Variants in NASP observed in about 807,000 individuals in gnomAD.
The protein encoded by NASP is NASP histone chaperone.
NASP carries 24 observed loss-of-function variants against 89.5 expected under a neutral mutation model. The ratio of observed to expected loss-of-function variants is 0.27; its 90% CI spans 0.19 to 0.38. The LOEUF (loss-of-function observed/expected upper bound fraction) is 0.38. NASP is among the 10% of genes least tolerant of loss of function. The probability of loss-of-function intolerance (pLI) is 1.00; values close to 1 mark genes in which losing one functional copy is unlikely to be tolerated. For synonymous variants in NASP, 306 were observed against 324.7 expected (o/e 0.94, Z 0.62); for missense variants, 848 against 921.4 (o/e 0.92, Z 1.03).
chr1:45,615,579 C>A, intron 11 of NASP, 108 bp downstream of exon 11: 2 of 1,031,110 alleles, frequency 1.9e-6, no homozygotes, highest in Non-Finnish European at 2.9e-6. Flanking sequence ...AGTTGGTGGG[C>A]TCATCTAATT....
chr1:45,584,524 G>A (rs1215744837), intron 1 of NASP, among the ~76,000 whole-genome samples: 1 of 152,144 alleles, frequency 6.6e-6, no homozygotes, highest in East Asian at 1.9e-4. Flanking sequence ...GGGAGGCGGG[G>A]CCCTGGCGCG....
chr1:45,614,707 T>C (rs1644072945), intron 9 of NASP, among the ~76,000 whole-genome samples: 1 of 151,872 alleles, frequency 6.6e-6, no homozygotes, highest in Non-Finnish European at 1.5e-5. Flanking sequence ...CCCGGTTAAT[T>C]TTTGTATTTT....
At position 45,607,539 on chromosome 1, in the gene NASP, T is replaced by C. The variant is rs1480130367; in HGVS notation, c.628T>C (p.Ser210Pro). The C allele has an allele frequency of 3.7e-6, 6 of 1,613,878 alleles. No individual in the cohort carries two copies. The highest frequency in any genetic ancestry group is 5.1e-6 in the Non-Finnish European group (6 of 1,179,958). ...GACTCTAGATTGGTTAACTGAAACC[T>C]CTGAAGAGGCAAAAGGAGGAGCAGC... ...DLTLDWLTET[S>P]EEAKGGAAPE... Residue 210 changes from serine to proline, a missense_variant, in exon 6 of 15, where the codon TCT becomes CCT. This residue lies in a region of NASP where 464 missense variants were observed against 469.4 expected (regional missense o/e 0.99). Coordinates refer to ENST00000350030, the MANE Select transcript of NASP (RefSeq NM_002482.4).
Position 45,606,477 on chromosome 1 carries a change from C to T in NASP, c.300-5C>T, listed in dbSNP as rs569615593. On this transcript the variant is annotated splice_polypyrimidine_tract_variant and splice_region_variant and intron_variant, in intron 4 of 14. Transcript: ENST00000350030. ...AACCTTTGGTGCTTTCTTTTGTTCT[C>T]CTAGAATGGAGAATGGTGTGTTGGG... 3 of 1,608,818 alleles carry T rather than the reference C, an allele frequency of 1.9e-6. No homozygotes were observed. Among genetic ancestry groups the T allele is most frequent in the African/African-American group, 1.3e-5 (1 of 74,838 alleles).
At chr1:45,597,298 C>CTAT (rs1643723328) in intron 2 of NASP, among the ~76,000 whole-genome samples, 1 of 99,868 alleles carries the variant, frequency 1.0e-5, no homozygotes, top group Non-Finnish European at 1.8e-5. Context: ...CAGAGCAAGA[C>CTAT]TTTTTTTTTT....
In NASP at chr1:45,586,931, C is replaced by G. The variant is rs150319417; in HGVS notation, c.59+2726C>G. ...AGGCTGGATTCCCAACTCCTAGTCT[C>G]AAGCAATCCTTCCATCTCAGCCTTC... is the stretch of plus-strand genomic sequence containing the variant. On this transcript the variant is annotated intron_variant, in intron 1 of 14. Coordinates refer to ENST00000350030, the MANE Select transcript of NASP (RefSeq NM_002482.4). Among the ~76,000 whole-genome samples the G allele has an allele frequency of 6.0e-4, 92 of 152,298 alleles. 1 individual carries two copies. The highest frequency in any genetic ancestry group is 1.1e-3 in the Non-Finnish European group (76 of 68,026).
chr1:45,590,023 C>T (rs1326234958), intron 1 of NASP, among the ~76,000 whole-genome samples: 1 of 152,140 alleles, frequency 6.6e-6, no homozygotes, highest in Non-Finnish European at 1.5e-5. Flanking sequence ...AGTGTGTCAC[C>T]TGGGCAGTTG....
intron 2 of NASP, among the ~76,000 whole-genome samples, chr1:45,595,542 G>C (rs900157810): frequency 6.6e-6 from 1 of 151,938 alleles, no homozygotes; most frequent in South Asian, 2.1e-4. Flanking sequence ...TTTTTTTCTT[G>C]TATACCTTTG....
At chr1:45,615,682 C>G (rs527659032) in intron 11 of NASP, 1 of 513,962 alleles carries the variant, frequency 1.9e-6, no homozygotes, top group South Asian at 2.6e-5. Context: ...GGCCATGGGC[C>G]TTTCTCTCCC....
Position 45,607,815 on chromosome 1 carries a change from C to T in NASP, c.904C>T (p.Pro302Ser). Reference sequence around the variant, plus strand: ...GGAGGTAGAAGCAGAGTCTTTAGACCCGACAGTCAAGCCAGTGGATGTGGG... The same window carrying T: ...GGAGGTAGAAGCAGAGTCTTTAGACTCGACAGTCAAGCCAGTGGATGTGGG... ...AVEVEAESLD[P>S]TVKPVDVGGD... Residue 302 changes from proline (P) to serine (S), a missense_variant, in exon 6 of 15, where the codon CCG becomes TCG. By Grantham distance (74) the Pro-to-Ser change is moderately conservative (BLOSUM62 -1). Around this residue, in one of 5 missense-constraint regions of NASP, gnomAD observed 464 missense variants for 469.4 expected, o/e 0.99. Transcript: ENST00000350030. 6.2e-7 allele frequency: 1 copy of T among 1,614,030 alleles called. No homozygotes were observed. Among genetic ancestry groups the T allele is most frequent in the Non-Finnish European group, 8.5e-7 (1 of 1,179,992 alleles).
At chr1:45,603,605 ATT>A (rs10646791) in intron 3 of NASP, among the ~76,000 whole-genome samples, 6 of 119,026 alleles carry the variant, frequency 5.0e-5, no homozygotes, top group Admixed American at 9.7e-5. Context: ...GTATTTAGAG[ATT>A]TTTTTTTTTT....
chr1:45,614,414 GT>G, intron 9 of NASP, 48 bp downstream of exon 9: 1 of 1,410,506 alleles, frequency 7.1e-7, no homozygotes, highest in African/African-American at 1.4e-5. Flanking sequence ...CAGCTCCCTC[GT>G]TCTTCCTCTA....
chr1:45,594,429 C>T (rs1290762389), intron 2 of NASP, among the ~76,000 whole-genome samples: 1 of 152,016 alleles, frequency 6.6e-6, no homozygotes, highest in Non-Finnish European at 1.5e-5. Flanking sequence ...ACAATACTTT[C>T]AAGGGGGTTA....
At chr1:45,611,502 T>C (rs1487803190) in intron 6 of NASP, 1 of 144,452 alleles carries the variant, frequency 6.9e-6, no homozygotes, top group Admixed American at 7.2e-5. Context: ...AGTCTTGCTC[T>C]GTCACCCAGG....
chr1:45,608,068 T>C lies in NASP; in HGVS notation c.1157T>C (p.Val386Ala), dbSNP rs772960258. The C allele has an allele frequency of 6.2e-7, 1 of 1,613,928 alleles. No individual in the cohort carries two copies. Among genetic ancestry groups the C allele is most frequent in the Admixed American group, 1.7e-5 (1 of 60,002 alleles). The change falls in exon 6 of 15, where the codon GTA becomes GCA. Residue 386 changes from valine (V) to alanine (A), a missense_variant. This residue lies in a region of NASP where 464 missense variants were observed against 469.4 expected (regional missense o/e 0.99). Transcript: ENST00000350030. The stretch of plus-strand genomic sequence containing the variant: ...GGTGCAGTCAATGGACCGTCAGTTG[T>C]AGGAGATCAGACTCCTATTGAACCA... ...KDGAVNGPSV[V>A]GDQTPIEPQT...
chr1:45,606,261 C>T (rs911001948), intron 4 of NASP, among the ~76,000 whole-genome samples: 5 of 152,128 alleles, frequency 3.3e-5, no homozygotes, highest in Admixed American at 6.5e-5. Context: ...GCTTTTCAGG[C>T]GGCTGGATGG....
intron 1 of NASP, among the ~76,000 whole-genome samples, chr1:45,585,068 G>C (rs1388141964): frequency 6.6e-6 from 1 of 152,190 alleles, no homozygotes; most frequent in Non-Finnish European, 1.5e-5. Flanking sequence ...GCAGTAGTAT[G>C]CACGAAGTGG....
In NASP at chr1:45,608,263, C is replaced by T. The variant is rs1292430112; in HGVS notation, c.1352C>T (p.Ser451Leu). 2.5e-6 allele frequency: 4 copies of T among 1,613,814 alleles called. No homozygotes were observed. The highest frequency in any genetic ancestry group is 1.3e-5 in the African/African-American group (1 of 75,000). The change falls in exon 6 of 15, where the codon TCA (serine) becomes TTA (leucine). Residue 451 changes from serine (S) to leucine (L), a missense_variant. Physicochemically the swap from Ser to Leu is moderately radical, Grantham distance 145. This residue lies in a region of NASP where 464 missense variants were observed against 469.4 expected (regional missense o/e 0.99). Coordinates refer to ENST00000350030, the MANE Select transcript of NASP (RefSeq NM_002482.4). ...TKVAQGATEKSPEDKVQIAAN... is the reference protein window; with the variant it reads ...TKVAQGATEKLPEDKVQIAAN... ...GTAGCCCAGGGAGCTACTGAGAAAT[C>T]ACCTGAAGACAAAGTTCAGATAGCT...
intron 4 of NASP, among the ~76,000 whole-genome samples, chr1:45,606,095 C>T (rs578061556): frequency 3.3e-5 from 5 of 152,222 alleles, no homozygotes; most frequent in African/African-American, 1.2e-4. Flanking sequence ...TTTTTAATCT[C>T]GTAATCATAC....
Sources: gnomAD v4.1 joint callset for allele counts (sites outside exome capture counted in the v4.1 genomes callset) on GRCh38, gnomAD v4.1.1 for gene constraint, gnomAD v4.1.1 regional missense constraint, MANE v1.5 for transcripts, NCBI Gene and HGNC (gene_info 2026-07-23, HGNC 2026-07-21) for gene names.